The following NEDD9 variants were observed in gnomAD, a reference collection of about 807,000 sequenced individuals.
NEDD9 encodes the protein neural precursor cell expressed, developmentally down-regulated 9.
In NEDD9, 26 loss-of-function variants were observed where a neutral mutation model predicts 76.6. That is an observed-to-expected ratio of 0.34 (90% CI 0.25 to 0.47). The LOEUF (loss-of-function observed/expected upper bound fraction) is 0.47, where lower values mean the gene tolerates loss of function less well. Ranked by LOEUF, NEDD9 falls within the 20% of genes least tolerant of loss-of-function variation. The probability of loss-of-function intolerance (pLI) is 1.00; values close to 1 mark genes in which losing one functional copy is unlikely to be tolerated. For synonymous variants in NEDD9, 392 were observed against 414.2 expected, an observed-to-expected ratio of 0.95 and a Z score of 0.65; for missense variants, 937 against 1,058.5, an observed-to-expected ratio of 0.89 and a Z score of 1.59.
intron 1 of NEDD9, among the ~76,000 whole-genome samples, chr6:11,380,872 A>G (rs1763050316): frequency 6.6e-6 from 1 of 152,050 alleles, no homozygotes; most frequent in Non-Finnish European, 1.5e-5. Context: ...GCAGTGGTGC[A>G]ATCATAGCTC....
chr6:11,351,674 C>A (rs1762472347), intron 1 of NEDD9, among the ~76,000 whole-genome samples: 1 of 152,196 alleles, frequency 6.6e-6, no homozygotes, highest in South Asian at 2.1e-4. Flanking sequence ...AGGTTATCAC[C>A]CGCTTTGCTC....
chr6:11,188,355 A>G (rs1758029802), intron 5 of NEDD9, 48 bp from the exon 6 acceptor site: 1 of 1,414,440 alleles, frequency 7.1e-7, no homozygotes, highest in Non-Finnish European at 1.0e-6. Context: ...ACTGTGATTC[A>G]CTTATGCTAA....
At chr6:11,378,457 G>A (rs1763004770) in intron 1 of NEDD9, among the ~76,000 whole-genome samples, 1 of 152,102 alleles carries the variant, frequency 6.6e-6, no homozygotes, top group African/African-American at 2.4e-5. Context: ...CCCAGCCTCA[G>A]GTATTTATAG....
At chr6:11,187,477 G>C (rs974168792) in intron 6 of NEDD9, among the ~76,000 whole-genome samples, 1 of 152,094 alleles carries the variant, frequency 6.6e-6, no homozygotes, top group Non-Finnish European at 1.5e-5. Context: ...CTTTAGATTG[G>C]ACCAAGGCCA....
intron 3 of NEDD9, among the ~76,000 whole-genome samples, chr6:11,278,398 G>T (rs376513181): frequency 6.6e-6 from 1 of 152,146 alleles, no homozygotes; most frequent in Non-Finnish European, 1.5e-5. Context: ...GTTCAAAAAG[G>T]TTAAGATACT....
At chr6:11,375,937 GC>G (rs1183674267) in intron 1 of NEDD9, among the ~76,000 whole-genome samples, 2 of 152,100 alleles carry the variant, frequency 1.3e-5, no homozygotes, top group African/African-American at 4.8e-5. Context: ...CCATTCTCCT[GC>G]CTTAGCCTCC....
chr6:11,354,437 A>G (rs1420820548), intron 1 of NEDD9, among the ~76,000 whole-genome samples: 1 of 152,162 alleles, frequency 6.6e-6, no homozygotes, highest in Non-Finnish European at 1.5e-5. Flanking sequence ...GTGTCTTCAA[A>G]ATTAGAACTG....
chr6:11,259,451 A>T (rs550110866), intron 3 of NEDD9, among the ~76,000 whole-genome samples: 5 of 152,214 alleles, frequency 3.3e-5, no homozygotes, highest in South Asian at 4.1e-4. Flanking sequence ...GACTTTGAAG[A>T]TGGGTTCTAT....
chr6:11,321,248 T>C (rs554738407), intron 2 of NEDD9, among the ~76,000 whole-genome samples: 137 of 149,304 alleles, frequency 9.2e-4, no homozygotes, highest in African/African-American at 3.2e-3. Context: ...AGGGAGGGAA[T>C]TGGCTCTTTC....
chr6:11,323,493 G>A (rs1374947466), intron 2 of NEDD9, among the ~76,000 whole-genome samples: 1 of 152,232 alleles, frequency 6.6e-6, no homozygotes, highest in African/African-American at 2.4e-5. Context: ...TTCCCACAGG[G>A]AGCATCTAGC....
chr6:11,337,506 C>A (rs754221217), intron 1 of NEDD9, among the ~76,000 whole-genome samples: 1 of 152,166 alleles, frequency 6.6e-6, no homozygotes, highest in African/African-American at 2.4e-5. Context: ...AGGATGGCTA[C>A]AATGCCACTA....
At chr6:11,291,276 T>TG (rs1212607100) in intron 3 of NEDD9, among the ~76,000 whole-genome samples, 1 of 140,620 alleles carries the variant, frequency 7.1e-6, no homozygotes, top group Non-Finnish European at 1.5e-5. Flanking sequence ...GGTTTTTTTT[T>TG]TTTTTTTTTT....
upstream of NEDD9, among the ~76,000 whole-genome samples, chr6:11,233,876 A>G (rs957514555): frequency 6.6e-6 from 1 of 151,758 alleles, no homozygotes; most frequent in Non-Finnish European, 1.5e-5. Flanking sequence ...TGGAAAAATC[A>G]GCCCTTATTT....
At position 11,274,051 on chromosome 6, in the gene NEDD9, T is replaced by C. The variant is rs1038500493; in HGVS notation, c.12+31941A>G. 7.2e-5 allele frequency among the ~76,000 whole-genome samples: 11 copies of C among 151,958 alleles called. 1 individual carries two copies. The highest frequency in any genetic ancestry group is 2.4e-4 in the African/African-American group (10 of 41,450). The stretch of plus-strand genomic sequence containing the variant: ...ACTGTTTCCAGGCAAAATCCAAAAG[T>C]TGTTTTGAGACCAAATCCTTTTTCC... On this transcript the variant is annotated intron_variant, in intron 3 of 3. Coordinates refer to the NEDD9 transcript ENST00000397378.
Position 11,188,225 on chromosome 6 carries a change from T to G in NEDD9, c.1988A>C (p.His663Pro). ...TGCTCTGATTGAACTTACCTGATGA[T>G]GTTCCAGCTGCATCTTGTTCTGTTT... ...IMKQNKMQLE[H>P]HQLSQFQLLE... The change falls in exon 6 of 7, where the codon CAT (histidine) becomes CCT (proline). Residue 663 changes from histidine (H) to proline (P), a missense_variant. Physicochemically the swap from His to Pro is moderately conservative, Grantham distance 77. Coordinates refer to ENST00000379446, the MANE Select transcript of NEDD9 (RefSeq NM_006403.4). 1 of 1,614,070 alleles carries G rather than the reference T, an allele frequency of 6.2e-7. No homozygotes were observed. Among genetic ancestry groups the G allele is most frequent in the Non-Finnish European group, 8.5e-7 (1 of 1,179,910 alleles).
chr6:11,229,898 A>G (rs781265782), intron 1 of NEDD9, among the ~76,000 whole-genome samples: 8 of 152,242 alleles, frequency 5.3e-5, no homozygotes, highest in Non-Finnish European at 1.2e-4. Flanking sequence ...TAAGTGCAAA[A>G]TAAGTGAAGG....
In NEDD9 at chr6:11,213,780, T is replaced by G; in HGVS notation, c.13-53A>C. 1 of 1,545,638 alleles carries G rather than the reference T, an allele frequency of 6.5e-7. No homozygotes were observed. Among genetic ancestry groups the G allele is most frequent in the Admixed American group, 1.7e-5 (1 of 58,530 alleles). On this transcript the variant is annotated intron_variant, in intron 1 of 6. Coordinates refer to ENST00000379446, the MANE Select transcript of NEDD9 (RefSeq NM_006403.4). This position sits in a 1 kb window ranked among gnomAD's most constrained non-coding sequence, Gnocchi z 5.4. ...GTGTTAGAATATTGGGTCGGTCCCT[T>G]TATCACCTAAGGCCCGTGCTCTTAT...
intron 1 of NEDD9, among the ~76,000 whole-genome samples, chr6:11,379,715 C>G (rs1582058771): frequency 1.3e-5 from 2 of 151,484 alleles, no homozygotes; most frequent in African/African-American, 4.8e-5. Context: ...CCATAAAAAG[C>G]AAATACAGGA....
chr6:11,362,483 G>A (rs1023606132), intron 1 of NEDD9, among the ~76,000 whole-genome samples: 7 of 151,642 alleles, frequency 4.6e-5, no homozygotes, highest in Admixed American at 3.3e-4. Context: ...TAGCAACCAG[G>A]GCTACCATGA....
Sources: allele counts gnomAD v4.1 joint callset (sites outside exome capture counted in the v4.1 genomes callset), GRCh38; gene constraint gnomAD v4.1.1; non-coding constraint Gnocchi (gnomAD v3.1); transcripts MANE v1.5; gene names NCBI Gene and HGNC (gene_info 2026-07-23, HGNC 2026-07-21).